Variants in PPP2R2A observed in about 807,000 individuals in gnomAD.
PPP2R2A encodes protein phosphatase 2 regulatory subunit Balpha, also known as serine/threonine-protein phosphatase 2A 55 kDa regulatory subunit B alpha isoform.
In PPP2R2A, 9 loss-of-function variants were observed where a neutral mutation model predicts 53.2. The ratio of observed to expected loss-of-function variants is 0.17; its 90% CI spans 0.10 to 0.30. PPP2R2A has a LOEUF of 0.30. Among genes scored for constraint, PPP2R2A ranks in the 10% least tolerant of loss-of-function variants. The pLI is 1.00. For missense variants in PPP2R2A, 235 were observed against 534.6 expected, an observed-to-expected ratio of 0.44 and a Z score of 5.53; for synonymous variants, 169 against 174.2, an observed-to-expected ratio of 0.97 and a Z score of 0.23.
chr8:26,292,167 C>T, intron 1 of PPP2R2A: 3 of 1,187,156 alleles, frequency 2.5e-6, no homozygotes, highest in Non-Finnish European at 3.1e-6. Flanking sequence ...TCCCACCTCC[C>T]CACCTTGCCC....
At chr8:26,297,622 A>G (rs1328019409) in intron 2 of PPP2R2A, among the ~76,000 whole-genome samples, 1 of 152,178 alleles carries the variant, frequency 6.6e-6, no homozygotes, top group African/African-American at 2.4e-5. Context: ...GTCATTTATC[A>G]TTTCTGTGGT....
chr8:26,323,438 G>T (rs960269836), intron 2 of PPP2R2A, among the ~76,000 whole-genome samples: 1 of 152,148 alleles, frequency 6.6e-6, no homozygotes, highest in African/African-American at 2.4e-5. Context: ...GAGGGGGCTC[G>T]GTCCCACAAG....
intron 2 of PPP2R2A, chr8:26,333,501 C>A: frequency 8.1e-7 from 1 of 1,234,310 alleles, no homozygotes; most frequent in Non-Finnish European, 1.1e-6. Flanking sequence ...TTATTTGAGA[C>A]ATAGTCCTCA....
chr8:26,328,568 C>T (rs751802979), intron 2 of PPP2R2A, among the ~76,000 whole-genome samples: 24 of 152,104 alleles, frequency 1.6e-4, no homozygotes, highest in Non-Finnish European at 3.4e-4. Flanking sequence ...TTTCTCTTTC[C>T]GAGCTCTGGT....
rs1466648163 is a variant in PPP2R2A, at chr8:26,371,401, GTC to G, written c.*992_*993del. 1 of 141,956 alleles carries G rather than the reference GTC, an allele frequency of 7.0e-6. No homozygotes were observed. The highest frequency in any genetic ancestry group is 1.5e-5 in the Non-Finnish European group (1 of 65,586). 8.8% of individuals were successfully genotyped at this position (141,956 alleles called of 1,614,324 possible). A position where few individuals can be genotyped will look rare whatever the true frequency, so the allele number is the denominator to read the frequency against. ...ATCATGAGGGTATTGGATACATTGT[GTC>G]TCTATTTAACTCATTATGTGTTAAT... On this transcript the variant is annotated 3_prime_UTR_variant, in exon 10 of 10. Transcript: ENST00000380737.
At chr8:26,300,530 T>C (rs1236710247) in intron 2 of PPP2R2A, among the ~76,000 whole-genome samples, 1 of 152,162 alleles carries the variant, frequency 6.6e-6, no homozygotes, top group Non-Finnish European at 1.5e-5. Flanking sequence ...TAATCAAGTA[T>C]CCATAAGGTG....
intron 4 of PPP2R2A, chr8:26,359,090 C>A: frequency 3.0e-6 from 1 of 338,772 alleles, no homozygotes; most frequent in Admixed American, 3.0e-5. Flanking sequence ...GTCACTTCAT[C>A]TCTCTGTTCT....
chr8:26,355,598 C>G (rs1306776265), intron 4 of PPP2R2A, among the ~76,000 whole-genome samples: 1 of 152,096 alleles, frequency 6.6e-6, no homozygotes, highest in Non-Finnish European at 1.5e-5. Context: ...GGCGTGGTGG[C>G]TCACGCCTGT....
At chr8:26,339,238 G>A (rs1422552020) in intron 3 of PPP2R2A, among the ~76,000 whole-genome samples, 1 of 152,104 alleles carries the variant, frequency 6.6e-6, no homozygotes, top group Non-Finnish European at 1.5e-5. Flanking sequence ...AGAAGGGGGT[G>A]GAAAGTGATG....
intron 2 of PPP2R2A, among the ~76,000 whole-genome samples, chr8:26,311,048 T>C (rs564332332): frequency 6.6e-6 from 1 of 152,292 alleles, no homozygotes; most frequent in African/African-American, 2.4e-5. Context: ...TTCCTTTTTC[T>C]TTTTTCTTTT....
At chr8:26,346,181 C>G (rs1004128664) in intron 3 of PPP2R2A, among the ~76,000 whole-genome samples, 1 of 151,470 alleles carries the variant, frequency 6.6e-6, no homozygotes, top group Non-Finnish European at 1.5e-5. Flanking sequence ...CACTCTGTCA[C>G]CCTGGCTGGA....
At chr8:26,342,042 T>C (rs117145905) in intron 3 of PPP2R2A, among the ~76,000 whole-genome samples, 3,133 of 152,292 alleles carry the variant, frequency 0.021, 58 homozygotes, top group South Asian at 0.044. Flanking sequence ...TTCATTTGGT[T>C]TGAGTATGTT....
chr8:26,365,310 T>G (rs1414874933), intron 8 of PPP2R2A: 1 of 152,224 alleles, frequency 6.6e-6, no homozygotes, highest in African/African-American at 2.4e-5. Context: ...TTACTGATTT[T>G]TTTGTGTTAC....
chr8:26,308,485 G>A (rs1802124038), intron 2 of PPP2R2A, among the ~76,000 whole-genome samples: 1 of 152,230 alleles, frequency 6.6e-6, no homozygotes, highest in Admixed American at 6.5e-5. Context: ...AATGTTCACA[G>A]TGTCATCACC....
intron 2 of PPP2R2A, among the ~76,000 whole-genome samples, chr8:26,330,466 C>T (rs527310090): frequency 5.9e-5 from 9 of 151,836 alleles, no homozygotes; most frequent in East Asian, 1.9e-4. Context: ...TAGCCGGGAC[C>T]GCAGGAGCAC....
intron 3 of PPP2R2A, among the ~76,000 whole-genome samples, chr8:26,343,647 A>G (rs1302179664): frequency 1.3e-5 from 2 of 152,112 alleles, no homozygotes; most frequent in Non-Finnish European, 2.9e-5. Flanking sequence ...TGGCCTCCCA[A>G]AGTGTTGAGC....
At chr8:26,366,817 C>G (rs1301397041) in intron 9 of PPP2R2A, among the ~76,000 whole-genome samples, 1 of 152,044 alleles carries the variant, frequency 6.6e-6, no homozygotes, top group Non-Finnish European at 1.5e-5. Flanking sequence ...AGTGGTCTTT[C>G]ATATGTATGT....
At chr8:26,334,886 C>G (rs1803576566) in intron 2 of PPP2R2A, among the ~76,000 whole-genome samples, 1 of 152,160 alleles carries the variant, frequency 6.6e-6, no homozygotes, top group Non-Finnish European at 1.5e-5. Flanking sequence ...AGATTATTTT[C>G]TAAAAACCTG....
chr8:26,358,111 A>C (rs545889333), intron 4 of PPP2R2A, among the ~76,000 whole-genome samples: 1 of 144,124 alleles, frequency 6.9e-6, no homozygotes. Context: ...CCTAATTCAT[A>C]TGTGTCCTGT....
Sources: gnomAD v4.1 joint callset for allele counts (sites outside exome capture counted in the v4.1 genomes callset) on GRCh38, gnomAD v4.1.1 for gene constraint, MANE v1.5 for transcripts, NCBI Gene and HGNC (gene_info 2026-07-23, HGNC 2026-07-21) for gene names.